HMSD: variants seen among roughly 807,000 people sequenced by gnomAD.
HMSD encodes serpin-like protein HMSD.
Under a neutral mutation model 10.0 loss-of-function variants are expected in HMSD, and 13 were observed. The ratio of observed to expected loss-of-function variants is 1.31; its 90% CI spans 0.85 to 2.08. The LOEUF (loss-of-function observed/expected upper bound fraction) is 2.08, where lower values mean the gene tolerates loss of function less well. HMSD is among the 30% of genes most tolerant of loss of function. The probability of loss-of-function intolerance (pLI) is 0.00; values close to 1 mark genes in which losing one functional copy is unlikely to be tolerated. For missense variants in HMSD, 169 were observed against 166.3 expected, an observed-to-expected ratio of 1.02 and a Z score of -0.09; for synonymous variants, 51 against 54.2, an observed-to-expected ratio of 0.94 and a Z score of 0.26.
At chr18:63,957,479 ATC>A (rs778340979) in intron 3 of HMSD, among the ~76,000 whole-genome samples, 2 of 152,118 alleles carry the variant, frequency 1.3e-5, no homozygotes, top group African/African-American at 2.4e-5. Context: ...TGTAGAGGAT[ATC>A]TCTCTTACTG....
At chr18:63,958,384 G>A (rs1487065116) in intron 3 of HMSD, among the ~76,000 whole-genome samples, 1 of 152,076 alleles carries the variant, frequency 6.6e-6, no homozygotes, top group African/African-American at 2.4e-5. Context: ...TACTGATACA[G>A]AAGTATAAAA....
At chr18:63,964,038 A>G (rs1253495417), downstream of HMSD, among the ~76,000 whole-genome samples, 3 of 152,282 alleles carry the variant, frequency 2.0e-5, no homozygotes, top group Non-Finnish European at 2.9e-5. Context: ...ATTTGCTTCT[A>G]TGGTCCAGCC....
downstream of HMSD, among the ~76,000 whole-genome samples, chr18:63,965,259 G>A (rs2050404991): frequency 6.6e-6 from 1 of 152,184 alleles, no homozygotes; most frequent in South Asian, 2.1e-4. Context: ...ACTAGAACAA[G>A]TGGCAGGAAC....
intron 3 of HMSD, chr18:63,968,528 A>G (rs1208646815): frequency 6.6e-6 from 1 of 152,238 alleles, no homozygotes; most frequent in African/African-American, 2.4e-5. Context: ...TGTTTCCTAC[A>G]TGGGATATCT....
chr18:63,956,196 T>G (rs1320559440), intron 3 of HMSD, among the ~76,000 whole-genome samples: 1 of 152,042 alleles, frequency 6.6e-6, no homozygotes, highest in Non-Finnish European at 1.5e-5. Flanking sequence ...CAAAAGCAAT[T>G]GCAACGGAAA....
In HMSD at chr18:63,960,053, G is replaced by T. The variant is rs1214516635; in HGVS notation, c.223-105G>T. ...CATCTTTATTTGCAAATTATATATG[G>T]TAAATCATAAAATTATTGATTTTCT... On this transcript the variant is annotated intron_variant, in intron 3 of 3. Coordinates refer to ENST00000408945, the MANE Select transcript of HMSD (RefSeq NM_001123366.2). 6.2e-6 allele frequency: 7 copies of T among 1,137,002 alleles called. No individual in the cohort carries two copies. In the Admixed American group the frequency reaches 1.3e-4, roughly 22 times the overall value. The allele number at this position is 1,137,002 out of a possible 1,614,324, so 70.4% of individuals were successfully genotyped here.
intron 3 of HMSD, among the ~76,000 whole-genome samples, chr18:63,959,907 C>A (rs530202122): frequency 2.4e-4 from 37 of 152,066 alleles, no homozygotes; most frequent in Middle Eastern, 3.4e-3. Flanking sequence ...GGTGTACTGC[C>A]ACTCTCATGA....
chr18:63,963,133 C>T (rs9961553), downstream of HMSD, among the ~76,000 whole-genome samples: 23,651 of 105,178 alleles, frequency 0.22, 2,295 homozygotes, highest in Admixed American at 0.3. Flanking sequence ...TTCTTTCTTT[C>T]CTTTCTTTCT....
chr18:63,952,155 G>C (rs1274517141), intron 1 of HMSD, among the ~76,000 whole-genome samples: 1 of 116,640 alleles, frequency 8.6e-6, no homozygotes, highest in East Asian at 3.2e-4. Flanking sequence ...GGGGGGAGGG[G>C]GGAGGGATAG....
intron 3 of HMSD, 52 bp downstream of exon 3, chr18:63,954,609 T>C: frequency 2.0e-6 from 3 of 1,513,002 alleles, no homozygotes; most frequent in Non-Finnish European, 2.7e-6. Context: ...TGGTGGGAAG[T>C]AGGAGAATGA....
intron 1 of HMSD, among the ~76,000 whole-genome samples, chr18:63,951,114 A>C (rs2050328258): frequency 6.6e-6 from 1 of 152,218 alleles, no homozygotes; most frequent in South Asian, 2.1e-4. Flanking sequence ...CAGATTTATA[A>C]GTGTTGATTT....
At chr18:63,968,894 G>A (rs2050425977) in intron 3 of HMSD, 2 of 152,190 alleles carry the variant, frequency 1.3e-5, no homozygotes, top group Admixed American at 1.3e-4. Context: ...TTATTGAGGA[G>A]AGTTCTTGGG....
At chr18:63,952,070 A>G (rs1457032073) in intron 1 of HMSD, among the ~76,000 whole-genome samples, 1 of 144,430 alleles carries the variant, frequency 6.9e-6, no homozygotes, top group Admixed American at 7.2e-5. Context: ...ATTCTCACTC[A>G]TAGGTGGGAA....
chr18:63,952,690 T>C (rs1464145100), intron 1 of HMSD, among the ~76,000 whole-genome samples: 1 of 152,244 alleles, frequency 6.6e-6, no homozygotes, highest in Non-Finnish European at 1.5e-5. Flanking sequence ...TTCTGCATAC[T>C]GTTTTTATCA....
chr18:63,952,705 T>A (rs76627941), intron 1 of HMSD, among the ~76,000 whole-genome samples: 3,499 of 152,306 alleles, frequency 0.023, 146 homozygotes, highest in African/African-American at 0.079. Flanking sequence ...TTATCAGTAC[T>A]TGTGAGCTTT....
chr18:63,958,862 G>C (rs937351574), intron 3 of HMSD, among the ~76,000 whole-genome samples: 1 of 151,998 alleles, frequency 6.6e-6, no homozygotes, highest in African/African-American at 2.4e-5. Context: ...GTAATTTATG[G>C]AACAACAGAC....
chr18:63,952,689 C>A (rs1278101999), intron 1 of HMSD, among the ~76,000 whole-genome samples: 3 of 152,136 alleles, frequency 2.0e-5, no homozygotes, highest in Non-Finnish European at 4.4e-5. Flanking sequence ...TTTCTGCATA[C>A]TGTTTTTATC....
At chr18:63,954,752 G>A (rs1466996440) in intron 3 of HMSD, among the ~76,000 whole-genome samples, 195 bp downstream of exon 3, 2 of 152,200 alleles carry the variant, frequency 1.3e-5, no homozygotes, top group Non-Finnish European at 2.9e-5. Flanking sequence ...ATTTTGTGAA[G>A]CTTTAATGAG....
In HMSD at chr18:63,960,608, A is replaced by G. The variant is rs1006338962; in HGVS notation, c.*253A>G. 10 of 396,172 alleles carry G rather than the reference A, an allele frequency of 2.5e-5. No homozygotes were observed. Among genetic ancestry groups the G allele is most frequent in the Non-Finnish European group, 4.4e-5 (10 of 227,932 alleles). 24.5% of individuals were successfully genotyped at this position (396,172 alleles called of 1,614,324 possible). A position where few individuals can be genotyped will look rare whatever the true frequency, so the allele number is the denominator to read the frequency against. On this transcript the variant is annotated 3_prime_UTR_variant, in exon 4 of 4. Coordinates refer to ENST00000408945, the MANE Select transcript of HMSD (RefSeq NM_001123366.2). ...TCCCTCACTGGTATTGCCATACTGT[A>G]TGGTTTACAGGCTTGAAATGCAACT...
Sources: gnomAD v4.1 joint callset for allele counts (sites outside exome capture counted in the v4.1 genomes callset) on GRCh38, gnomAD v4.1.1 for gene constraint, MANE v1.5 for transcripts, NCBI Gene and HGNC (gene_info 2026-07-23, HGNC 2026-07-21) for gene names.